DLG1: variants seen among roughly 807,000 people sequenced by gnomAD.
DLG1 encodes disks large homolog 1.
A neutral mutation model predicts 123.4 loss-of-function variants in DLG1; 42 were observed. That is an observed-to-expected ratio of 0.34 (90% CI 0.27 to 0.44). DLG1 has a LOEUF of 0.44. Ranked by LOEUF, DLG1 falls within the 20% of genes least tolerant of loss-of-function variation. DLG1 has a pLI of 1.00. For missense variants in DLG1, 942 were observed against 1,082.6 expected (o/e 0.87, Z 1.82); for synonymous variants, 317 against 356.2 (o/e 0.89, Z 1.24).
intron 3 of DLG1, among the ~76,000 whole-genome samples, chr3:197,285,355 T>C (rs1199164797): frequency 6.6e-6 from 1 of 151,758 alleles, no homozygotes; most frequent in East Asian, 1.9e-4. Context: ...TAACTTAGGG[T>C]CAGGGGAGAA....
intron 17 of DLG1, among the ~76,000 whole-genome samples, chr3:197,077,469 CTTA>C (rs571162581): frequency 1.8e-3 from 279 of 152,114 alleles, no homozygotes; most frequent in Non-Finnish European, 2.8e-3. Flanking sequence ...TCAGTACTGA[CTTA>C]TTTATTCTTA....
chr3:197,141,390 A>G (rs1272235608), intron 7 of DLG1, among the ~76,000 whole-genome samples: 1 of 149,278 alleles, frequency 6.7e-6, no homozygotes, highest in Non-Finnish European at 1.5e-5. Context: ...ATAAAAAGTT[A>G]GGAGACATCA....
Position 197,209,835 on chromosome 3 carries a change from A to G in DLG1, c.319-15246T>C, listed in dbSNP as rs547803699. Among the ~76,000 whole-genome samples, 4 of 147,012 alleles carry G rather than the reference A, an allele frequency of 2.7e-5. 1 individual carries two copies. The highest frequency in any genetic ancestry group is 6.8e-5 in the Admixed American group (1 of 14,654). ...ATAATGAAGCTAAATAGGACTATGT[A>G]GTAAAGAATTTAACCTTGCTTTTAG... On this transcript the variant is annotated intron_variant, in intron 4 of 24. Transcript: ENST00000667157.
intron 5 of DLG1, among the ~76,000 whole-genome samples, chr3:197,159,130 T>C (rs548834479): frequency 1.3e-5 from 2 of 152,272 alleles, no homozygotes; most frequent in African/African-American, 4.8e-5. Flanking sequence ...CAGGTGAAGC[T>C]AGGAAGTGGT....
At chr3:197,211,897 A>G (rs2150405965) in intron 4 of DLG1, among the ~76,000 whole-genome samples, 1 of 147,068 alleles carries the variant, frequency 6.8e-6, no homozygotes, top group South Asian at 2.6e-4. Flanking sequence ...ACACCATGGG[A>G]TACCATGCAG....
intron 4 of DLG1, among the ~76,000 whole-genome samples, chr3:197,278,524 A>T (rs1767657897): frequency 6.6e-6 from 1 of 151,972 alleles, no homozygotes; most frequent in Non-Finnish European, 1.5e-5. Flanking sequence ...TCACTCTGAA[A>T]CAATCATTAA....
intron 5 of DLG1, among the ~76,000 whole-genome samples, chr3:197,179,783 C>CTCTATA (rs1415452695): frequency 6.6e-6 from 1 of 152,002 alleles, no homozygotes; most frequent in Non-Finnish European, 1.5e-5. Context: ...AAATTAAATC[C>CTCTATA]TCTATAACTC....
At chr3:197,050,053 T>G (rs764940707) in intron 24 of DLG1, among the ~76,000 whole-genome samples, 1 of 151,708 alleles carries the variant, frequency 6.6e-6, no homozygotes, top group Non-Finnish European at 1.5e-5. Context: ...AACAAAACCC[T>G]GCCTCAAAAA....
chr3:197,053,014 T>C (rs1729005027), intron 23 of DLG1, among the ~76,000 whole-genome samples: 1 of 152,332 alleles, frequency 6.6e-6, no homozygotes, highest in East Asian at 1.9e-4. Context: ...ATCTTTCAAA[T>C]ACACAGTGAT....
intron 10 of DLG1, among the ~76,000 whole-genome samples, chr3:197,134,285 A>G (rs1373725985): frequency 6.6e-6 from 1 of 152,184 alleles, no homozygotes; most frequent in East Asian, 1.9e-4. Flanking sequence ...AACAGGATGT[A>G]GAACAAAGGA....
intron 23 of DLG1, among the ~76,000 whole-genome samples, chr3:197,059,172 G>A (rs181581657): frequency 1.3e-5 from 2 of 152,208 alleles, no homozygotes; most frequent in South Asian, 2.1e-4. Flanking sequence ...TGATCTGCCC[G>A]CCTCAGCCTC....
chr3:197,085,983 G>A (rs1754127647), intron 15 of DLG1, among the ~76,000 whole-genome samples: 1 of 151,288 alleles, frequency 6.6e-6, no homozygotes, highest in African/African-American at 2.4e-5. Flanking sequence ...AATATCACAA[G>A]ACAAATTTTA....
At chr3:197,122,628 T>C (rs1267436960) in intron 11 of DLG1, among the ~76,000 whole-genome samples, 1 of 152,138 alleles carries the variant, frequency 6.6e-6, no homozygotes, top group Non-Finnish European at 1.5e-5. Flanking sequence ...AAAACAGATA[T>C]TTCCTATATA....
intron 4 of DLG1, among the ~76,000 whole-genome samples, chr3:197,245,367 C>G (rs867441814): frequency 2.1e-4 from 32 of 152,102 alleles, no homozygotes; most frequent in African/African-American, 7.2e-4. Flanking sequence ...TCTACTATCA[C>G]CAGTAGATAC....
intron 23 of DLG1, among the ~76,000 whole-genome samples, chr3:197,058,168 CAG>C (rs1413858617): frequency 3.9e-5 from 6 of 151,924 alleles, no homozygotes; most frequent in Admixed American, 3.9e-4. Flanking sequence ...TTAGTAGAGA[CAG>C]AGTCTCACCA....
intron 4 of DLG1, among the ~76,000 whole-genome samples, chr3:197,245,562 A>C (rs1170653497): frequency 2.0e-5 from 3 of 152,120 alleles, no homozygotes; most frequent in Non-Finnish European, 2.9e-5. Flanking sequence ...AGACTTTAAG[A>C]ACTGCATCAC....
At chr3:197,078,142 T>A (rs1748490202) in intron 17 of DLG1, among the ~76,000 whole-genome samples, 1 of 73,954 alleles carries the variant, frequency 1.4e-5, no homozygotes, top group Non-Finnish European at 2.8e-5. Context: ...CGAAACCCCA[T>A]CTCAAAAAAA....
rs1429873498 is a variant in DLG1 at position 197,236,380 on chromosome 3, CCAG to C, written c.319-41794_319-41792del. Among the ~76,000 whole-genome samples, 3 of 151,860 alleles carry C rather than the reference CCAG, an allele frequency of 2.0e-5. No homozygotes were observed. In the South Asian group the frequency reaches 6.2e-4, roughly 32 times the overall value. Reference sequence around the variant, plus strand: ...AAACAACAGCTGAGAGAATTCATCACCAGAAGAAATGCATTTCAAGAAATGTTA... The same window carrying C: ...AAACAACAGCTGAGAGAATTCATCACAAGAAATGCATTTCAAGAAATGTTA... On this transcript the variant is annotated intron_variant, in intron 4 of 24. Transcript: ENST00000667157.
chr3:197,068,456 CTGTCAA>C (rs779591789), intron 19 of DLG1: 2 of 1,287,824 alleles, frequency 1.6e-6, no homozygotes, highest in South Asian at 2.5e-5. Context: ...AAAGTATATA[CTGTCAA>C]CATGAAAAAG....
Sources: gnomAD v4.1 joint callset for allele counts (sites outside exome capture counted in the v4.1 genomes callset) on GRCh38, gnomAD v4.1.1 for gene constraint, MANE v1.5 for transcripts, NCBI Gene and HGNC (gene_info 2026-07-23, HGNC 2026-07-21) for gene names.